Variants in GRAMD2B observed in about 807,000 individuals in gnomAD.
GRAMD2B encodes GRAM domain-containing protein 2B.
GRAMD2B carries 41 observed loss-of-function variants against 59.2 expected under a neutral mutation model. The ratio of observed to expected loss-of-function variants is 0.69; its 90% CI spans 0.54 to 0.90. The LOEUF (loss-of-function observed/expected upper bound fraction) is 0.90, where lower values mean the gene tolerates loss of function less well. Ranked by LOEUF, GRAMD2B falls within the 40% of genes least tolerant of loss-of-function variation. The pLI is 0.00. For synonymous variants in GRAMD2B, 161 were observed against 182.7 expected (o/e 0.88, Z 0.96); for missense variants, 424 against 500.5 (o/e 0.85, Z 1.46).
chr5:126,369,270 TTGAATGAATGAA>T (rs33935788), upstream of GRAMD2B, among the ~76,000 whole-genome samples: 46,621 of 151,408 alleles, frequency 0.31, 7,729 homozygotes, highest in South Asian at 0.56. Flanking sequence ...TAAATACTTG[TTGAATGAATGAA>T]TGAATGAATG....
chr5:126,482,648 A>T (rs1772098052), intron 8 of GRAMD2B, among the ~76,000 whole-genome samples: 1 of 152,240 alleles, frequency 6.6e-6, no homozygotes, highest in Middle Eastern at 3.2e-3. Context: ...TTCTCCTATA[A>T]ATCCTTGTAT....
intron 1 of GRAMD2B, among the ~76,000 whole-genome samples, chr5:126,412,846 G>C (rs1438844901): frequency 6.6e-6 from 1 of 151,952 alleles, no homozygotes; most frequent in Non-Finnish European, 1.5e-5. Context: ...TGGGGACTAT[G>C]TGTTTCCAGG....
intron 1 of GRAMD2B, among the ~76,000 whole-genome samples, chr5:126,404,414 T>C (rs1758093076): frequency 6.6e-6 from 1 of 151,818 alleles, no homozygotes; most frequent in South Asian, 2.1e-4. Flanking sequence ...ATGCCAAGAA[T>C]AGAAAGTCAG....
At chr5:126,464,119 A>T (rs534609196) in intron 1 of GRAMD2B, among the ~76,000 whole-genome samples, 5 of 152,314 alleles carry the variant, frequency 3.3e-5, no homozygotes, top group Non-Finnish European at 7.4e-5. Context: ...ACACTACAAT[A>T]GGACTCCTCG....
chr5:126,401,067 T>C (rs1404486868), intron 1 of GRAMD2B, among the ~76,000 whole-genome samples: 1 of 152,076 alleles, frequency 6.6e-6, no homozygotes, highest in African/African-American at 2.4e-5. Flanking sequence ...TCGTAATGCA[T>C]ATATAGGTTT....
chr5:126,477,590 T>G, intron 5 of GRAMD2B, 102 bp from the exon 6 acceptor site: 1 of 776,704 alleles, frequency 1.3e-6, no homozygotes, highest in Non-Finnish European at 2.3e-6. Flanking sequence ...CTGCTGGTTT[T>G]GATTTCTGTT....
rs1020215991 is a variant in GRAMD2B at position 126,472,279 on chromosome 5, C to T, written c.357C>T (p.Val119=). ...ACTTTCACAAGTTGTTTCTTAGTGT[C>T]CCAACGGAGGAACCACTGAAGCAAA... ...NMHFHKLFLS[V]PTEEPLKQSF... The change falls in exon 4 of 14, where the codon GTC becomes GTT. Residue 119 remains valine, a synonymous_variant. Coordinates refer to ENST00000285689, the MANE Select transcript of GRAMD2B (RefSeq NM_023927.4). 1 of 1,613,882 alleles carries T rather than the reference C, an allele frequency of 6.2e-7. No individual in the cohort carries two copies. Among genetic ancestry groups the T allele is most frequent in the Non-Finnish European group, 8.5e-7 (1 of 1,179,786 alleles).
At chr5:126,382,975 G>T (rs947195761) in intron 1 of GRAMD2B, among the ~76,000 whole-genome samples, 1 of 152,110 alleles carries the variant, frequency 6.6e-6, no homozygotes, top group African/African-American at 2.4e-5. Context: ...CACGGATGTA[G>T]CCACTCAGCA....
At chr5:126,429,967 A>G (rs1460780423) in intron 1 of GRAMD2B, among the ~76,000 whole-genome samples, 2 of 152,190 alleles carry the variant, frequency 1.3e-5, no homozygotes, top group Non-Finnish European at 2.9e-5. Context: ...CCTGGCACTG[A>G]GCTTTTTACT....
chr5:126,423,817 C>T (rs969577385), intron 1 of GRAMD2B, 128 bp downstream of exon 1: 12 of 727,450 alleles, frequency 1.6e-5, no homozygotes, highest in Non-Finnish European at 2.6e-5. Flanking sequence ...TTGTGGCGCG[C>T]TCTCTCTGTC....
chr5:126,367,851 ACGCCATTC>A (rs1458847724), upstream of GRAMD2B, among the ~76,000 whole-genome samples: 2 of 152,120 alleles, frequency 1.3e-5, no homozygotes, highest in African/African-American at 4.8e-5. Flanking sequence ...TTCCCGGTTC[ACGCCATTC>A]TCCTGCCTCA....
chr5:126,430,379 C>T (rs1761366685), intron 1 of GRAMD2B, among the ~76,000 whole-genome samples: 2 of 152,170 alleles, frequency 1.3e-5, no homozygotes, highest in Non-Finnish European at 1.5e-5. Flanking sequence ...GTTTTTACCT[C>T]ATAAAATTTA....
upstream of GRAMD2B, among the ~76,000 whole-genome samples, chr5:126,421,664 A>G (rs79297641): frequency 7.8e-3 from 1,192 of 152,336 alleles, 14 homozygotes; most frequent in African/African-American, 0.027. Flanking sequence ...TCAATTTTGG[A>G]GCAAGCAGGC....
intron 1 of GRAMD2B, among the ~76,000 whole-genome samples, chr5:126,458,578 G>A (rs918233624): frequency 2.0e-5 from 3 of 152,134 alleles, no homozygotes; most frequent in African/African-American, 7.2e-5. Context: ...GGAAGGATGA[G>A]GATTTACTCT....
intron 1 of GRAMD2B, chr5:126,464,945 T>C: frequency 8.2e-6 from 4 of 486,454 alleles, no homozygotes; most frequent in Non-Finnish European, 1.1e-5. Flanking sequence ...TTGTAAAGAT[T>C]AGAGACTGTA....
intron 1 of GRAMD2B, among the ~76,000 whole-genome samples, chr5:126,447,458 T>C (rs536066412): frequency 1.3e-3 from 204 of 152,172 alleles, no homozygotes; most frequent in South Asian, 2.9e-3. Flanking sequence ...GTCAGAAGAT[T>C]GAGACCATCC....
intron 13 of GRAMD2B, among the ~76,000 whole-genome samples, chr5:126,490,640 C>T (rs906953913): frequency 3.3e-5 from 5 of 152,184 alleles, no homozygotes; most frequent in Non-Finnish European, 7.3e-5. Context: ...CAGGCCACAC[C>T]CGTGCTCTTT....
At chr5:126,444,802 A>C (rs968318129) in intron 1 of GRAMD2B, among the ~76,000 whole-genome samples, 3 of 152,162 alleles carry the variant, frequency 2.0e-5, no homozygotes, top group African/African-American at 7.2e-5. Flanking sequence ...CCCATTGCCT[A>C]GGTATTAAGT....
chr5:126,371,783 A>G (rs2149691718), intron 1 of GRAMD2B, among the ~76,000 whole-genome samples: 1 of 152,308 alleles, frequency 6.6e-6, no homozygotes, highest in East Asian at 1.9e-4. Flanking sequence ...ATTACTATGA[A>G]GGAAAAATAA....
Sources: gnomAD v4.1 joint callset for allele counts (sites outside exome capture counted in the v4.1 genomes callset) on GRCh38, gnomAD v4.1.1 for gene constraint, MANE v1.5 for transcripts, NCBI Gene and HGNC (gene_info 2026-07-23, HGNC 2026-07-21) for gene names.